The following CHIC1 variants were observed in gnomAD, a reference collection of about 807,000 sequenced individuals.
CHIC1 encodes the protein cysteine-rich hydrophobic domain-containing protein 1.
A neutral mutation model predicts 18.5 loss-of-function variants in CHIC1; 7 were observed. The ratio of observed to expected loss-of-function variants is 0.38; its 90% CI spans 0.22 to 0.71. The LOEUF (loss-of-function observed/expected upper bound fraction) is 0.71, where lower values mean the gene tolerates loss of function less well. CHIC1 is among the 30% of genes least tolerant of loss of function. CHIC1 has a pLI of 0.49. For missense variants in CHIC1, 159 were observed against 176.9 expected, an observed-to-expected ratio of 0.90 and a Z score of 0.57; for synonymous variants, 77 against 73.5, an observed-to-expected ratio of 1.05 and a Z score of -0.25.
At chrX:73,602,602 C>T (rs1239386173) in intron 3 of CHIC1, among the ~76,000 whole-genome samples, 1 of 108,877 alleles carries the variant, frequency 9.2e-6, no homozygotes, top group African/African-American at 3.6e-5. Context: ...TGCCTATCTC[C>T]TGAATGGTAT....
chrX:73,630,422 A>G, intron 3 of CHIC1, among the ~76,000 whole-genome samples: 1 of 110,557 alleles, frequency 9.0e-6, no homozygotes, highest in Non-Finnish European at 1.9e-5. Flanking sequence ...ATTTTTATTT[A>G]CCTATATGTT....
intron 3 of CHIC1, among the ~76,000 whole-genome samples, chrX:73,656,224 C>A (rs914161326): frequency 9.0e-6 from 1 of 111,520 alleles, no homozygotes; most frequent in African/African-American, 3.3e-5. Flanking sequence ...GGATGGATTG[C>A]AAAAATTTTC....
intron 3 of CHIC1, among the ~76,000 whole-genome samples, chrX:73,603,706 A>C (rs1350398674): frequency 9.2e-6 from 1 of 108,745 alleles, no homozygotes; most frequent in African/African-American, 3.6e-5. Context: ...AGTTTTTAGC[A>C]TGAAGGGTTG....
chrX:73,686,232 G>C lies in CHIC1; in HGVS notation c.*5227G>C, dbSNP rs756251590. Reference sequence around the variant, plus strand: ...TTTTATAAAGGAACTAAGATTATTTGACCCCCTCCACAGATTGCTTACCTA... The same window carrying C: ...TTTTATAAAGGAACTAAGATTATTTCACCCCCTCCACAGATTGCTTACCTA... On this transcript the variant is annotated 3_prime_UTR_variant, in exon 6 of 6. Transcript: ENST00000373502. The C allele has an allele frequency of 1.8e-5, 2 of 111,197 alleles. No individual in the cohort carries two copies. The highest frequency in any genetic ancestry group is 5.7e-4 in the East Asian group (2 of 3,530). 9.2% of individuals were successfully genotyped at this position (111,197 alleles called of 1,213,427 possible). A position where few individuals can be genotyped will look rare whatever the true frequency, so the allele number is the denominator to read the frequency against.
chrX:73,668,566 C>T (rs1360471802), intron 3 of CHIC1, among the ~76,000 whole-genome samples: 1 of 111,648 alleles, frequency 9.0e-6, no homozygotes. Flanking sequence ...TGTTTTCTCT[C>T]TGTTTTTCTT....
chrX:73,650,609 A>T (rs1252805574), intron 3 of CHIC1, among the ~76,000 whole-genome samples: 1 of 105,676 alleles, frequency 9.5e-6, no homozygotes, highest in African/African-American at 3.5e-5. Context: ...CGACACATAC[A>T]CCCTCCCAAG....
chrX:73,639,912 G>A (rs773467092), intron 3 of CHIC1, among the ~76,000 whole-genome samples: 7 of 111,907 alleles, frequency 6.3e-5, no homozygotes, highest in Non-Finnish European at 1.1e-4. Context: ...TTGTTTATCA[G>A]CTCAAGGAGC....
Position 73,679,385 on chromosome X carries a change from A to G in CHIC1, c.564+3A>G. 9.3e-7 allele frequency: 1 copy of G among 1,079,829 alleles called. No individual in the cohort carries two copies. Among genetic ancestry groups the G allele is most frequent in the Middle Eastern group, 2.7e-4 (1 of 3,747 alleles). 89.0% of individuals were successfully genotyped at this position (1,079,829 alleles called of 1,213,427 possible). On this transcript the variant is annotated splice_donor_region_variant and intron_variant, in intron 4 of 5. Transcript: ENST00000373502. ...AAAATAACAGATTATATCACAAGGT[A>G]AGAAATTTTAAGCACATAAGTGCCC...
At chrX:73,648,909 A>G (rs2057902440) in intron 3 of CHIC1, among the ~76,000 whole-genome samples, 1 of 111,579 alleles carries the variant, frequency 9.0e-6, no homozygotes, top group Non-Finnish European at 1.9e-5. Flanking sequence ...CAGACTCTCC[A>G]AGGTCAAAAT....
chrX:73,574,309 T>C (rs150482257), intron 1 of CHIC1, among the ~76,000 whole-genome samples: 372 of 111,109 alleles, frequency 3.3e-3, no homozygotes, highest in Middle Eastern at 9.3e-3. Context: ...CTTTTTGATG[T>C]GCTGCTGGAT....
intron 3 of CHIC1, among the ~76,000 whole-genome samples, chrX:73,665,520 T>G (rs1476079803): frequency 9.0e-6 from 1 of 111,418 alleles, no homozygotes; most frequent in Non-Finnish European, 1.9e-5. Context: ...AGCAGCTGTT[T>G]CAATACTTTT....
intron 3 of CHIC1, among the ~76,000 whole-genome samples, chrX:73,657,146 A>T (rs1352001931): frequency 1.2e-4 from 12 of 102,306 alleles, no homozygotes; most frequent in Non-Finnish European, 2.0e-4. Flanking sequence ...TGCAAGCTCC[A>T]CCTTCCGGGT....
At chrX:73,674,374 T>G (rs2058049941) in intron 3 of CHIC1, among the ~76,000 whole-genome samples, 1 of 112,028 alleles carries the variant, frequency 8.9e-6, no homozygotes, top group Non-Finnish European at 1.9e-5. Flanking sequence ...GGACTTTTTT[T>G]GGTTGGTAAG....
intron 3 of CHIC1, among the ~76,000 whole-genome samples, chrX:73,678,636 T>G (rs893122940): frequency 8.9e-6 from 1 of 112,323 alleles, no homozygotes; most frequent in Non-Finnish European, 1.9e-5. Context: ...ATTTTAATGT[T>G]TTGAAAAGCT....
chrX:73,593,139 T>A (rs2057590254), intron 3 of CHIC1, among the ~76,000 whole-genome samples: 2 of 111,384 alleles, frequency 1.8e-5, no homozygotes, highest in African/African-American at 6.5e-5. Flanking sequence ...ATCTTGTTTA[T>A]CCCTTCAAAA....
chrX:73,622,243 A>G (rs1388195785), intron 3 of CHIC1, among the ~76,000 whole-genome samples: 12 of 111,425 alleles, frequency 1.1e-4, no homozygotes, highest in African/African-American at 2.0e-4. Flanking sequence ...CTCTTTTTCT[A>G]TTGTTTGGAA....
At position 73,577,344 on chromosome X, in the gene CHIC1, A is replaced by T. The variant is rs2486782; in HGVS notation, c.297-63A>T. The stretch of plus-strand genomic sequence containing the variant: ...ATGCATGGGTTTATAACTTTTTTTT[A>T]AAAAAAAGGGAAGATTTAAGTATGC... On this transcript the variant is annotated intron_variant, in intron 1 of 5. Transcript: ENST00000373502. The T allele has an allele frequency of 0.015, 13,033 of 871,724 alleles. 396 individuals are homozygous for T. The highest frequency in any genetic ancestry group is 0.14 in the African/African-American group (6,665 of 49,206). 71.8% of individuals were successfully genotyped at this position (871,724 alleles called of 1,213,427 possible). A position where few individuals can be genotyped will look rare whatever the true frequency, so the allele number is the denominator to read the frequency against.
intron 3 of CHIC1, among the ~76,000 whole-genome samples, chrX:73,649,673 C>T (rs745477567): frequency 4.5e-5 from 5 of 112,002 alleles, no homozygotes; most frequent in Non-Finnish European, 7.5e-5. Context: ...AATAAAGGAA[C>T]ACCCAGATTC....
intron 3 of CHIC1, among the ~76,000 whole-genome samples, chrX:73,624,191 A>C (rs1165377115): frequency 9.0e-6 from 1 of 111,174 alleles, no homozygotes; most frequent in African/African-American, 3.3e-5. Context: ...CCAAACATGC[A>C]AAGAGCCATG....
Sources: gnomAD v4.1 joint callset for allele counts (sites outside exome capture counted in the v4.1 genomes callset) on GRCh38, gnomAD v4.1.1 for gene constraint, MANE v1.5 for transcripts, NCBI Gene and HGNC (gene_info 2026-07-23, HGNC 2026-07-21) for gene names.